ZNF611: variants seen among roughly 807,000 people sequenced by gnomAD.
ZNF611 encodes the protein zinc finger protein 611.
In ZNF611, 6 loss-of-function variants were observed where a neutral mutation model predicts 8.9. The observed-to-expected ratio is 0.68, with a 90% confidence interval of 0.37 to 1.34. The LOEUF (loss-of-function observed/expected upper bound fraction) is 1.34, where lower values mean the gene tolerates loss of function less well. Among genes scored for constraint, ZNF611 ranks in the 40% most tolerant of loss-of-function variants. The pLI is 0.02. For missense variants in ZNF611, 874 were observed against 841.3 expected (o/e 1.04, Z -0.48); for synonymous variants, 262 against 279.7 (o/e 0.94, Z 0.63).
rs149629821 is a variant in ZNF611, at chr19:52,714,086, C to T, written c.119G>A (p.Cys40Tyr). ...CAAAGCCCTCTGTGAAGGGTTCAGGCATTTCCACTCTGCCAATGAGAATTC... is the reference window on the plus strand; with the variant it reads ...CAAAGCCCTCTGTGAAGGGTTCAGGTATTTCCACTCTGCCAATGAGAATTC... ...AIEFSLAEWK[C>Y]LNPSQRALYR... Residue 40 changes from cysteine to tyrosine, a missense_variant, in exon 5 of 6, where the codon TGC becomes TAC. Coordinates refer to ENST00000652185, the MANE Select transcript of ZNF611 (RefSeq NM_001161499.2). The T allele has an allele frequency of 6.2e-7, 1 of 1,614,046 alleles. No individual in the cohort carries two copies. The highest frequency in any genetic ancestry group is 8.5e-7 in the Non-Finnish European group (1 of 1,179,998).
rs762394013 is a variant in ZNF611 at position 52,705,961 on chromosome 19, G to C, written c.1094C>G (p.Thr365Ser). ...QSQLSHHRIH[T>S]GEKPYKCEEC... ...TTCACATTTGTAAGGTTTCTCTCCA[G>C]TATGAATTCTATGATGTGAAAGTTG... The change falls in exon 6 of 6, where the codon ACT becomes AGT. Residue 365 changes from threonine (T) to serine (S), a missense_variant. Physicochemically the swap from Thr to Ser is moderately conservative, Grantham distance 58. Coordinates refer to ENST00000652185, the MANE Select transcript of ZNF611 (RefSeq NM_001161499.2). 14 of 1,613,946 alleles carry C rather than the reference G, an allele frequency of 8.7e-6. No homozygotes were observed. The East Asian group carries it at 1.3e-4, about 15-fold the overall frequency.
chr19:52,734,305 GCT>G (rs1227715302), intron 1 of ZNF611, among the ~76,000 whole-genome samples: 1 of 149,842 alleles, frequency 6.7e-6, no homozygotes, highest in African/African-American at 2.5e-5. Flanking sequence ...GTTTTCTACT[GCT>G]CTCTGTCTCC....
chr19:52,725,713 A>G (rs1043901946), intron 3 of ZNF611, among the ~76,000 whole-genome samples: 5 of 152,216 alleles, frequency 3.3e-5, no homozygotes, highest in East Asian at 1.9e-4. Flanking sequence ...AAGGCAGAGC[A>G]AAACTCACGC....
intron 3 of ZNF611, chr19:52,723,623 AAAAG>A (rs1258632976): frequency 6.6e-6 from 1 of 151,318 alleles, no homozygotes; most frequent in African/African-American, 2.5e-5. Context: ...AGAGACTGAG[AAAAG>A]AAATAAGACA....
intron 1 of ZNF611, among the ~76,000 whole-genome samples, chr19:52,734,483 G>A (rs749138248): frequency 3.8e-4 from 58 of 151,890 alleles, no homozygotes; most frequent in Non-Finnish European, 7.8e-4. Flanking sequence ...CGGTGACTGC[G>A]GAGGGGAGAC....
In ZNF611 at chr19:52,704,023, G is replaced by C. The variant is rs778734988; in HGVS notation, c.*914C>G. 6.7e-5 allele frequency: 12 copies of C among 178,206 alleles called. No individual in the cohort carries two copies. The highest frequency in any genetic ancestry group is 2.9e-4 in the African/African-American group (12 of 41,700). The allele number at this position is 178,206 out of a possible 1,614,324, so 11.0% of individuals were successfully genotyped here. A position where few individuals can be genotyped will look rare whatever the true frequency, so the allele number is the denominator to read the frequency against. On this transcript the variant is annotated 3_prime_UTR_variant, in exon 6 of 6. Transcript: ENST00000652185. ...AGAAACAAAAAACAGGCTGAGAAAA[G>C]TGGCTCACATCTGTTGGCCATGCTG...
chr19:52,715,793 G>A (rs1022051798), intron 4 of ZNF611, 39 bp downstream of exon 4: 81 of 1,603,670 alleles, frequency 5.1e-5, no homozygotes, highest in Non-Finnish European at 5.7e-5. Context: ...TTTCAGAAAC[G>A]AAAGACACAG....
intron 3 of ZNF611, among the ~76,000 whole-genome samples, chr19:52,720,522 C>A (rs1262245315): frequency 6.8e-6 from 1 of 147,302 alleles, no homozygotes; most frequent in Non-Finnish European, 1.5e-5. Context: ...ATGGGGCGGC[C>A]GGGCAGAGGC....
rs182671804 is a variant in ZNF611 at position 52,716,055 on chromosome 19, G to A, written c.-19-142C>T. ...GCACCAGAGATCATGCAGAGATAAGGAAGTCCCACAGGAAGACCTATGAGT... is the reference window on the plus strand; with the variant it reads ...GCACCAGAGATCATGCAGAGATAAGAAAGTCCCACAGGAAGACCTATGAGT... On this transcript the variant is annotated intron_variant, in intron 3 of 5. Coordinates refer to ENST00000652185, the MANE Select transcript of ZNF611 (RefSeq NM_001161499.2). 70 of 938,158 alleles carry A rather than the reference G, an allele frequency of 7.5e-5. No homozygotes were observed. The East Asian group carries it at 1.2e-3, about 17-fold the overall frequency. 58.1% of individuals were successfully genotyped at this position (938,158 alleles called of 1,614,324 possible). A position where few individuals can be genotyped will look rare whatever the true frequency, so the allele number is the denominator to read the frequency against.
In ZNF611 at chr19:52,729,980, T is replaced by G. The variant is rs1448872846; in HGVS notation, c.-196A>C. ...AGGCAATACAGCAATTTTGTATATATGCATTGTCCTTCGTTATCTAGTCAA... is the reference window on the plus strand; with the variant it reads ...AGGCAATACAGCAATTTTGTATATAGGCATTGTCCTTCGTTATCTAGTCAA... On this transcript the variant is annotated 5_prime_UTR_variant, in exon 2 of 6. Transcript: ENST00000652185. 1 of 152,212 alleles carries G rather than the reference T, an allele frequency of 6.6e-6. No individual in the cohort carries two copies. The highest frequency in any genetic ancestry group is 2.4e-5 in the African/African-American group (1 of 41,442). The allele number at this position is 152,212 out of a possible 1,614,324, so 9.4% of individuals were successfully genotyped here. A position where few individuals can be genotyped will look rare whatever the true frequency, so the allele number is the denominator to read the frequency against.
intron 5 of ZNF611, among the ~76,000 whole-genome samples, chr19:52,709,950 C>T (rs913008322): frequency 5.9e-5 from 9 of 152,194 alleles, no homozygotes; most frequent in African/African-American, 2.2e-4. Flanking sequence ...GGCAGGAAGA[C>T]GGCTGGGCTA....
intron 5 of ZNF611, chr19:52,707,244 A>G (rs2062251693): frequency 6.2e-6 from 1 of 161,218 alleles, no homozygotes; most frequent in Non-Finnish European, 1.3e-5. Context: ...CTCTATACAA[A>G]TAAATGCTAA....
At chr19:52,717,512 A>G (rs562455095) in intron 3 of ZNF611, among the ~76,000 whole-genome samples, 106 of 152,354 alleles carry the variant, frequency 7.0e-4, no homozygotes, top group African/African-American at 9.4e-4. Context: ...GGAGGGCACA[A>G]GTAGGAGATG....
At chr19:52,721,484 G>A (rs1008326270) in intron 3 of ZNF611, among the ~76,000 whole-genome samples, 1 of 152,230 alleles carries the variant, frequency 6.6e-6, no homozygotes, top group African/African-American at 2.4e-5. Flanking sequence ...TTGGAGACCA[G>A]CCCGGCCAAC....
chr19:52,721,504 C>T (rs956277133), intron 3 of ZNF611, among the ~76,000 whole-genome samples: 2 of 152,232 alleles, frequency 1.3e-5, no homozygotes, highest in Non-Finnish European at 2.9e-5. Flanking sequence ...CATGGCGAAA[C>T]CCCGTCTCCA....
intron 3 of ZNF611, among the ~76,000 whole-genome samples, chr19:52,719,472 C>A (rs1456771020): frequency 2.0e-5 from 3 of 152,164 alleles, no homozygotes; most frequent in Admixed American, 6.5e-5. Context: ...TTATAAAATG[C>A]ACCACACTTA....
intron 1 of ZNF611, among the ~76,000 whole-genome samples, chr19:52,730,352 A>G (rs2062417692): frequency 7.3e-6 from 1 of 136,726 alleles, no homozygotes. Context: ...AGATTGCATC[A>G]CTGCACTCCA....
rs67203350 is a variant in ZNF611, at chr19:52,732,781, CA to C, written c.-222+2219del. ...GAAACATAGTGAAACTCCGTTTCTA[CA>C]AAAAAAAAAAAAAATACAAAAACTA... is the stretch of plus-strand genomic sequence containing the variant. On this transcript the variant is annotated intron_variant, in intron 1 of 5. Coordinates refer to ENST00000652185, the MANE Select transcript of ZNF611 (RefSeq NM_001161499.2). Among the ~76,000 whole-genome samples the C allele has an allele frequency of 8.4e-3, 1,042 of 124,382 alleles. 3 individuals are homozygous for C. The highest frequency in any genetic ancestry group is 0.018 in the African/African-American group (607 of 34,214). The allele number at this position is 124,382 out of a possible 152,430, so 81.6% of individuals were successfully genotyped here. A position where few individuals can be genotyped will look rare whatever the true frequency, so the allele number is the denominator to read the frequency against.
rs187972614 is a variant in ZNF611 at position 52,720,542 on chromosome 19, C to T, written c.-19-4629G>A. Among the ~76,000 whole-genome samples the T allele has an allele frequency of 9.5e-4, 121 of 127,406 alleles. 1 individual carries two copies. Among genetic ancestry groups the T allele is most frequent in the African/African-American group, 3.7e-3 (96 of 25,900 alleles). The allele number at this position is 127,406 out of a possible 152,430, so 83.6% of individuals were successfully genotyped here. ...GCGGCCGGGCAGAGGCGCTCCTCAC[C>T]TCCCAGATGGGGCAGCCGGGCAGAG... On this transcript the variant is annotated intron_variant, in intron 3 of 5. Coordinates refer to ENST00000652185, the MANE Select transcript of ZNF611 (RefSeq NM_001161499.2).
Sources: allele counts gnomAD v4.1 joint callset (sites outside exome capture counted in the v4.1 genomes callset), GRCh38; gene constraint gnomAD v4.1.1; transcripts MANE v1.5; gene names NCBI Gene and HGNC (gene_info 2026-07-23, HGNC 2026-07-21).